The following LRRC69 variants were observed in gnomAD, a reference collection of about 807,000 sequenced individuals.
The protein encoded by LRRC69 is leucine rich repeat containing 69, also known as leucine-rich repeat-containing protein 69.
LRRC69 carries 42 observed loss-of-function variants against 37.8 expected under a neutral mutation model. The ratio of observed to expected loss-of-function variants is 1.11; its 90% CI spans 0.87 to 1.44. LRRC69 has a LOEUF of 1.44. Among genes scored for constraint, LRRC69 ranks in the 40% most tolerant of loss-of-function variants. The pLI is 0.00. For missense variants in LRRC69, 357 were observed against 401.9 expected (o/e 0.89, Z 0.96); for synonymous variants, 141 against 143.1 (o/e 0.99, Z 0.11).
At chr8:91,110,451 C>A (rs1007128027) in intron 1 of LRRC69, among the ~76,000 whole-genome samples, 6 of 151,974 alleles carry the variant, frequency 3.9e-5, no homozygotes, top group African/African-American at 9.7e-5. Context: ...ACCAGCCTTA[C>A]CAACATGGTG....
exon 2 of LRRC69, chr8:91,124,523 T>G (rs1329908848): frequency 1.3e-6 from 2 of 1,541,282 alleles, no homozygotes; most frequent in Non-Finnish European, 1.8e-6. Context: ...AAACAACCTT[T>G]TAGAAGAAGT....
At chr8:91,176,134 A>ATATATATATATATATATATATT in intron 5 of LRRC69, among the ~76,000 whole-genome samples, 1 of 75,710 alleles carries the variant, frequency 1.3e-5, no homozygotes, top group African/African-American at 6.1e-5. Flanking sequence ...ATATATATAT[A>ATATATATATATATATATATATT]TTTTTTTTTT....
chr8:91,133,174 T>C, exon 4 of LRRC69: 1 of 1,543,750 alleles, frequency 6.5e-7, no homozygotes, highest in Non-Finnish European at 8.7e-7. Context: ...TAGAGAACTT[T>C]GTTTTCTTGA....
chr8:91,143,966 G>C (rs1212259877), intron 5 of LRRC69, among the ~76,000 whole-genome samples: 2 of 151,954 alleles, frequency 1.3e-5, no homozygotes, highest in Non-Finnish European at 2.9e-5. Flanking sequence ...TCCTCTTTAA[G>C]TTGGGGATAT....
chr8:91,127,279 G>A, intron 3 of LRRC69, 119 bp downstream of exon 3: 1 of 684,998 alleles, frequency 1.5e-6, no homozygotes, highest in East Asian at 3.0e-5. Context: ...ATAGCAAAGA[G>A]GGATCTGAAG....
chr8:91,177,906 T>A (rs1205988688), intron 5 of LRRC69, among the ~76,000 whole-genome samples: 1 of 147,714 alleles, frequency 6.8e-6, no homozygotes, highest in East Asian at 2.0e-4. Context: ...TGGAGTACAG[T>A]GGCATGATCT....
chr8:91,197,851 G>A (rs1337329658), intron 6 of LRRC69, among the ~76,000 whole-genome samples: 1 of 151,964 alleles, frequency 6.6e-6, no homozygotes, highest in African/African-American at 2.4e-5. Flanking sequence ...TTCCTATTCG[G>A]CCATCTTGGC....
chr8:91,169,666 TC>T (rs1426019874), intron 5 of LRRC69, among the ~76,000 whole-genome samples: 1,582 of 42,402 alleles, frequency 0.037, 16 homozygotes, highest in African/African-American at 0.11. Context: ...TGCTATCCCC[TC>T]CCCCCCTACC....
At chr8:91,151,860 C>G (rs900131964) in intron 5 of LRRC69, among the ~76,000 whole-genome samples, 6 of 151,630 alleles carry the variant, frequency 4.0e-5, no homozygotes, top group African/African-American at 1.5e-4. Context: ...GATGGTATCT[C>G]ATTGTGGTTT....
intron 5 of LRRC69, chr8:91,158,313 T>A: frequency 6.7e-7 from 1 of 1,483,048 alleles, no homozygotes; most frequent in Non-Finnish European, 9.4e-7. Context: ...AGAAAGAAAC[T>A]GGAATTTACC....
At chr8:91,140,265 T>C (rs910428784) in intron 5 of LRRC69, among the ~76,000 whole-genome samples, 3 of 152,010 alleles carry the variant, frequency 2.0e-5, no homozygotes, top group Non-Finnish European at 2.9e-5. Context: ...TACAATTTTT[T>C]GATACCTAAT....
chr8:91,167,451 T>C (rs568763307), intron 5 of LRRC69, among the ~76,000 whole-genome samples: 11 of 151,322 alleles, frequency 7.3e-5, no homozygotes, highest in Non-Finnish European at 1.2e-4. Flanking sequence ...CACATGGAAA[T>C]TGTGGGAGCT....
At chr8:91,102,769 G>A in exon 1 of LRRC69, 1 of 1,551,952 alleles carries the variant, frequency 6.4e-7, no homozygotes, top group Non-Finnish European at 8.7e-7. Context: ...TAGGAAAACT[G>A]CCTGGCCTGA....
chr8:91,109,388 A>G (rs1311496878), intron 1 of LRRC69, among the ~76,000 whole-genome samples: 1 of 152,110 alleles, frequency 6.6e-6, no homozygotes, highest in Admixed American at 6.5e-5. Context: ...TAAAGTTGCC[A>G]TCACTGTTAT....
intron 5 of LRRC69, among the ~76,000 whole-genome samples, chr8:91,160,406 T>A: frequency 6.6e-6 from 1 of 151,026 alleles, no homozygotes. Flanking sequence ...GCCTAATTAC[T>A]CTCTTAGGAA....
chr8:91,133,163 C>T (rs1168930164), exon 4 of LRRC69: 1 of 1,540,382 alleles, frequency 6.5e-7, no homozygotes, highest in Non-Finnish European at 8.7e-7. Flanking sequence ...GCCAGCATTC[C>T]TAGAGAACTT....
chr8:91,151,661 G>A (rs901440144), intron 5 of LRRC69, among the ~76,000 whole-genome samples: 21 of 151,780 alleles, frequency 1.4e-4, no homozygotes, highest in African/African-American at 5.1e-4. Context: ...ATTATACCCA[G>A]TAATGGGATT....
At chr8:91,124,814 ACC>A (rs1813691540) in intron 2 of LRRC69, 195 bp downstream of exon 2, 1 of 454,488 alleles carries the variant, frequency 2.2e-6, no homozygotes, top group South Asian at 2.9e-5. Context: ...TTACATGTAG[ACC>A]TAAGAAAATA....
chr8:91,150,522 T>C (rs1275237696), intron 5 of LRRC69, among the ~76,000 whole-genome samples: 2 of 152,034 alleles, frequency 1.3e-5, no homozygotes, highest in Non-Finnish European at 2.9e-5. Flanking sequence ...TCAATGTTCA[T>C]CAGGGATATT....
Sources: allele counts gnomAD v4.1 joint callset (sites outside exome capture counted in the v4.1 genomes callset), GRCh38; gene constraint gnomAD v4.1.1; transcripts MANE v1.5; gene names NCBI Gene and HGNC (gene_info 2026-07-23, HGNC 2026-07-21).